Variants in NSD1 observed in about 807,000 individuals in gnomAD.
NSD1 encodes histone-lysine N-methyltransferase, H3 lysine-36 specific.
A neutral mutation model predicts 242.7 loss-of-function variants in NSD1; 26 were observed. That is an observed-to-expected ratio of 0.11 (90% CI 0.08 to 0.15). The LOEUF (loss-of-function observed/expected upper bound fraction) is 0.15, where lower values mean the gene tolerates loss of function less well. Among genes scored for constraint, NSD1 ranks in the 10% least tolerant of loss-of-function variants. NSD1 has a pLI of 1.00. For synonymous variants in NSD1, 1,106 were observed against 1,178.1 expected (o/e 0.94, Z 1.25); for missense variants, 2,495 against 3,272.8 (o/e 0.76, Z 5.80).
chr5:177,211,634 A>G lies in NSD1; in HGVS notation c.3235A>G (p.Arg1079Gly), dbSNP rs1315988417. The G allele has an allele frequency of 3.1e-6, 5 of 1,613,994 alleles. No individual in the cohort carries two copies. In the South Asian group the frequency reaches 3.3e-5, roughly 11 times the overall value. Reference sequence around the variant, plus strand: ...AGACCGAGAACGTGGAGGTTCATTGAGAGGTGGGGCAGAAGATCCTAGTAA... The same window carrying G: ...AGACCGAGAACGTGGAGGTTCATTGGGAGGTGGGGCAGAAGATCCTAGTAA... Reference protein sequence around the residue: ...QGDRERGGSLRGGAEDPSKED... With the variant: ...QGDRERGGSLGGGAEDPSKED... The change falls in exon 5 of 23, where the codon AGA becomes GGA. Residue 1079 changes from arginine to glycine, a missense_variant. Arg to Gly is a moderately radical substitution (Grantham distance 125, BLOSUM62 -2). This residue lies in a region of NSD1 where 426 missense variants were observed against 411.4 expected (regional missense o/e 1.04). Transcript: ENST00000439151.
chr5:177,278,221 C>T (rs1194311574), intron 17 of NSD1, among the ~76,000 whole-genome samples: 1 of 152,228 alleles, frequency 6.6e-6, no homozygotes, highest in Non-Finnish European at 1.5e-5. Context: ...GATCCTCCCA[C>T]TGCAGCTTCC....
rs966416669 is a variant in NSD1, at chr5:177,134,096, G to C, written c.-18+144G>C. 1.5e-4 allele frequency: 22 copies of C among 150,838 alleles called. No individual in the cohort carries two copies. The highest frequency in any genetic ancestry group is 5.4e-4 in the African/African-American group (22 of 41,090). 9.3% of individuals were successfully genotyped at this position (150,838 alleles called of 1,614,324 possible). On this transcript the variant is annotated intron_variant, in intron 1 of 22. Coordinates refer to ENST00000439151, the MANE Select transcript of NSD1 (RefSeq NM_022455.5). This position sits in a 1 kb window ranked among gnomAD's most constrained non-coding sequence, Gnocchi z 4.2. ...CGATGCGGGGTTGGTGGCCGGCGGC[G>C]CTGCAGCCGCCGGCCTCCTCCCCCT...
chr5:177,232,397 A>T (rs1253825868), intron 5 of NSD1, among the ~76,000 whole-genome samples: 2 of 152,216 alleles, frequency 1.3e-5, no homozygotes, highest in Non-Finnish European at 2.9e-5. Context: ...GAAATCCAAA[A>T]TGCTCCAAAA....
chr5:177,197,381 G>T (rs528305441), intron 3 of NSD1, among the ~76,000 whole-genome samples: 5 of 152,332 alleles, frequency 3.3e-5, no homozygotes, highest in African/African-American at 9.6e-5. Flanking sequence ...CCAGCACTTC[G>T]GGAGGCCGAG....
chr5:177,171,904 A>G (rs184588200), intron 2 of NSD1, among the ~76,000 whole-genome samples: 2 of 152,358 alleles, frequency 1.3e-5, no homozygotes, highest in Admixed American at 6.5e-5. Context: ...TAATGTCGCT[A>G]TGAACATGGG....
In NSD1 at chr5:177,210,277, A is replaced by T. The variant is rs1763230566; in HGVS notation, c.1878A>T (p.Ala626=). ...AAGTGAAGCTCTGCTATATTGGAGC[A>T]GGTGATGAGGAAAAGCGAAGTGATT... ...GSKVKLCYIG[A]GDEEKRSDSI... The change falls in exon 5 of 23, where the codon GCA becomes GCT. Residue 626 remains alanine (A), a synonymous_variant. Transcript: ENST00000439151. 6.2e-7 allele frequency: 1 copy of T among 1,608,454 alleles called. No homozygotes were observed.
intron 3 of NSD1, among the ~76,000 whole-genome samples, chr5:177,199,045 G>A (rs562458076): frequency 6.6e-5 from 10 of 152,302 alleles, no homozygotes; most frequent in East Asian, 1.9e-4. Flanking sequence ...ACAATGGTGC[G>A]AAAGCGATAC....
In NSD1 at chr5:177,211,040, A is replaced by G; in HGVS notation, c.2641A>G (p.Thr881Ala). The change falls in exon 5 of 23, where the codon ACA becomes GCA. Residue 881 changes from threonine to alanine, a missense_variant. Thr to Ala is a moderately conservative substitution (Grantham distance 58, BLOSUM62 0). Around this residue, in one of 19 missense-constraint regions of NSD1, gnomAD observed 121 missense variants for 167.2 expected, o/e 0.72. Coordinates refer to ENST00000439151, the MANE Select transcript of NSD1 (RefSeq NM_022455.5). ...AGGTGAGGATGTCAGTGACTCTGGA[A>G]CATCAAAGCCATCAAAACCATTACT... ...SLGEDVSDSG[T>A]SKPSKPLLFS... is the part of the protein sequence containing the mutation. 6.2e-7 allele frequency: 1 copy of G among 1,614,242 alleles called. No individual in the cohort carries two copies. The highest frequency in any genetic ancestry group is 8.5e-7 in the Non-Finnish European group (1 of 1,180,048).
At position 177,296,178 on chromosome 5, in the gene NSD1, T is replaced by C. The variant is rs921585609; in HGVS notation, c.*719T>C. ...CCTCTATAGATGCAAGGGTGCTGCATTGAGGCCAGCAAGGCTGTTGGCTGT... is the reference window on the plus strand; with the variant it reads ...CCTCTATAGATGCAAGGGTGCTGCACTGAGGCCAGCAAGGCTGTTGGCTGT... On this transcript the variant is annotated 3_prime_UTR_variant, in exon 23 of 23. Transcript: ENST00000439151. 30 of 237,680 alleles carry C rather than the reference T, an allele frequency of 1.3e-4. No individual in the cohort carries two copies. Among genetic ancestry groups the C allele is most frequent in the Non-Finnish European group, 1.9e-4 (23 of 120,860 alleles). 14.7% of individuals were successfully genotyped at this position (237,680 alleles called of 1,614,324 possible).
In NSD1 at chr5:177,139,850, A is replaced by C. The variant is rs185237114; in HGVS notation, c.927+3820A>C. On this transcript the variant is annotated intron_variant, in intron 2 of 22. Coordinates refer to ENST00000439151, the MANE Select transcript of NSD1 (RefSeq NM_022455.5). ...CAGCTACTCAGGAGGCTGAGGCAGT[A>C]GTAGGATCACTTGAGGCCAGAAGTT... 2.4e-3 allele frequency among the ~76,000 whole-genome samples: 359 copies of C among 151,968 alleles called. 3 individuals are homozygous for C. The highest frequency in any genetic ancestry group is 8.3e-3 in the African/African-American group (346 of 41,442).
Position 177,218,704 on chromosome 5 carries a change from A to T in NSD1, c.3796+6509A>T, listed in dbSNP as rs1361350932. On this transcript the variant is annotated intron_variant, in intron 5 of 22. Coordinates refer to ENST00000439151, the MANE Select transcript of NSD1 (RefSeq NM_022455.5). ...TGCCTCGGCTTCCTGAGTAGCTGGG[A>T]CTACAGGCGCCCCCCACCACGCCCG... is the stretch of plus-strand genomic sequence containing the variant. Among the ~76,000 whole-genome samples, 4 of 151,570 alleles carry T rather than the reference A, an allele frequency of 2.6e-5. No individual in the cohort carries two copies. The East Asian group carries it at 7.8e-4, about 29-fold the overall frequency.
intron 3 of NSD1, among the ~76,000 whole-genome samples, chr5:177,193,224 T>G (rs1761839758): frequency 6.6e-6 from 1 of 152,132 alleles, no homozygotes; most frequent in Non-Finnish European, 1.5e-5. Context: ...CACTGCAAGC[T>G]CTGCCTGCTG....
intron 5 of NSD1, among the ~76,000 whole-genome samples, chr5:177,234,568 T>G (rs986516332): frequency 2.6e-5 from 4 of 151,950 alleles, no homozygotes; most frequent in African/African-American, 9.7e-5. Context: ...AATACAAAAT[T>G]AGCTGGGTGT....
chr5:177,163,450 C>G (rs935718241), intron 2 of NSD1, among the ~76,000 whole-genome samples: 4 of 152,098 alleles, frequency 2.6e-5, no homozygotes, highest in Admixed American at 1.3e-4. Flanking sequence ...CATGAAATTT[C>G]TTACGTAGAA....
chr5:177,181,427 G>GTTGTTTTTTTT (rs1554183366), intron 2 of NSD1, among the ~76,000 whole-genome samples: 3 of 117,336 alleles, frequency 2.6e-5, no homozygotes, highest in African/African-American at 1.1e-4. Context: ...TTTTTTTTTG[G>GTTGTTTTTTTT]TTTTTTTTTT....
At chr5:177,207,444 G>T (rs1762969420) in intron 4 of NSD1, among the ~76,000 whole-genome samples, 1 of 150,678 alleles carries the variant, frequency 6.6e-6, no homozygotes, top group African/African-American at 2.4e-5. Flanking sequence ...CACCAGGCCT[G>T]GCTAATTTTT....
chr5:177,163,894 CCT>C (rs1389787741), intron 2 of NSD1, among the ~76,000 whole-genome samples: 2 of 152,122 alleles, frequency 1.3e-5, no homozygotes, highest in African/African-American at 4.8e-5. Context: ...TGTTAGGCTG[CCT>C]CTCCTGTTGC....
chr5:177,226,262 T>C (rs1220704300), intron 5 of NSD1, among the ~76,000 whole-genome samples: 1 of 152,128 alleles, frequency 6.6e-6, no homozygotes, highest in Non-Finnish European at 1.5e-5. Flanking sequence ...CTTGAACTCC[T>C]GAGCTCAAGT....
At chr5:177,291,763 G>C (rs930104251) in intron 21 of NSD1, among the ~76,000 whole-genome samples, 191 bp from the exon 22 acceptor site, 4 of 152,160 alleles carry the variant, frequency 2.6e-5, no homozygotes, top group Non-Finnish European at 5.9e-5. Context: ...TTTTGTTCAG[G>C]TGGCAGGAGT....
Sources: gnomAD v4.1 joint callset for allele counts (sites outside exome capture counted in the v4.1 genomes callset) on GRCh38, gnomAD v4.1.1 for gene constraint, gnomAD v4.1.1 regional missense constraint, Gnocchi (gnomAD v3.1) non-coding constraint, MANE v1.5 for transcripts, NCBI Gene and HGNC (gene_info 2026-07-23, HGNC 2026-07-21) for gene names.